KNL1: variants seen among roughly 807,000 people sequenced by gnomAD.
KNL1 encodes the protein outer kinetochore KNL1 complex subunit KNL1.
A neutral mutation model predicts 201.3 loss-of-function variants in KNL1; 66 were observed. That is an observed-to-expected ratio of 0.33 (90% CI 0.27 to 0.40). The LOEUF (loss-of-function observed/expected upper bound fraction) is 0.40. KNL1 is among the 10% of genes least tolerant of loss of function. The pLI is 1.00. For missense variants in KNL1, 2,815 were observed against 2,690.5 expected (o/e 1.05, Z -1.02); for synonymous variants, 895 against 899.2 (o/e 1.00, Z 0.08).
chr15:40,629,223 A>T, intron 12 of KNL1, 50 bp from the exon 13 acceptor site: 5 of 1,052,282 alleles, frequency 4.8e-6, no homozygotes, highest in Non-Finnish European at 7.1e-6. Flanking sequence ...TGGTTATATC[A>T]AAGTGAAATC....
chr15:40,631,002 C>G (rs989589686), intron 13 of KNL1, among the ~76,000 whole-genome samples: 11 of 152,022 alleles, frequency 7.2e-5, no homozygotes, highest in Non-Finnish European at 1.6e-4. Context: ...CCTGTAGTCC[C>G]CGCTACTCAG....
intron 13 of KNL1, among the ~76,000 whole-genome samples, chr15:40,629,587 T>A (rs1173957905): frequency 7.1e-6 from 1 of 139,964 alleles, no homozygotes; most frequent in African/African-American, 2.6e-5. Context: ...CACTGCAACC[T>A]CTGCCTCCTG....
chr15:40,601,300 C>T (rs1049013693), intron 1 of KNL1, among the ~76,000 whole-genome samples: 1 of 152,194 alleles, frequency 6.6e-6, no homozygotes, highest in African/African-American at 2.4e-5. Flanking sequence ...CCCTCCTGGT[C>T]TGTGGAAAAA....
intron 21 of KNL1, among the ~76,000 whole-genome samples, chr15:40,653,142 A>G (rs1332125249): frequency 6.6e-6 from 1 of 152,140 alleles, no homozygotes; most frequent in African/African-American, 2.4e-5. Flanking sequence ...CTCGCTGTAC[A>G]TATTCAAATC....
intron 24 of KNL1, among the ~76,000 whole-genome samples, chr15:40,658,561 CAAAAAAA>C (rs35180053): frequency 9.4e-5 from 7 of 74,170 alleles, no homozygotes; most frequent in Non-Finnish European, 2.4e-5. Flanking sequence ...GAATCTGTCT[CAAAAAAA>C]AAAAAAAAAA....
At position 40,620,919 on chromosome 15, in the gene KNL1, A is replaced by G. The variant is rs1173874720; in HGVS notation, c.655A>G (p.Ile219Val). 1.2e-6 allele frequency: 2 copies of G among 1,600,780 alleles called. No homozygotes were observed. Among genetic ancestry groups the G allele is most frequent in the African/African-American group, 1.4e-5 (1 of 73,866 alleles). The change falls in exon 10 of 26, where the codon ATA (isoleucine) becomes GTA (valine). Residue 219 changes from isoleucine to valine, a missense_variant. Around this residue, in one of 3 missense-constraint regions of KNL1, gnomAD observed 2,464 missense variants for 2,291.7 expected, o/e 1.08. Coordinates refer to ENST00000399668, the MANE Select transcript of KNL1 (RefSeq NM_144508.5). ...SENKIDFNDF[I>V]KRLKTGKCSA... ...AAATAAAATAGATTTCAATGACTTC[A>G]TAAAAAGATTGAAAACAGGAAAATG...
chr15:40,595,002 T>C (rs1018913837), intron 1 of KNL1, among the ~76,000 whole-genome samples: 2 of 152,262 alleles, frequency 1.3e-5, no homozygotes, highest in African/African-American at 4.8e-5. Context: ...ATTTAAGCCC[T>C]TATTCTTCAC....
Position 40,645,790 on chromosome 15 carries a change from A to T in KNL1, c.6006+18A>T, listed in dbSNP as rs773961327. ...CAGCTCAGGTAATTTGAGACAGTTA[A>T]TATCATAGAAAGAGAGAGATATTAA... On this transcript the variant is annotated intron_variant, in intron 16 of 25. Transcript: ENST00000399668. 2.4e-6 allele frequency: 3 copies of T among 1,260,378 alleles called. No individual in the cohort carries two copies. Among genetic ancestry groups the T allele is most frequent in the Non-Finnish European group, 3.4e-6 (3 of 892,792 alleles). The allele number at this position is 1,260,378 out of a possible 1,614,324, so 78.1% of individuals were successfully genotyped here.
chr15:40,629,044 A>G (rs183205032), intron 12 of KNL1, among the ~76,000 whole-genome samples: 2 of 152,298 alleles, frequency 1.3e-5, no homozygotes, highest in Non-Finnish European at 2.9e-5. Context: ...AAAAAAGAGA[A>G]AAAAATGATG....
intron 3 of KNL1, among the ~76,000 whole-genome samples, chr15:40,605,426 G>C (rs1438401618): frequency 6.6e-6 from 1 of 152,168 alleles, no homozygotes; most frequent in African/African-American, 2.4e-5. Context: ...GTACAAAGCT[G>C]TTGCAAGAGA....
intron 16 of KNL1, among the ~76,000 whole-genome samples, chr15:40,645,983 C>T (rs1032474330): frequency 6.6e-6 from 1 of 152,176 alleles, no homozygotes; most frequent in African/African-American, 2.4e-5. Flanking sequence ...GGGCCTATGT[C>T]TCATCTCAAA....
At chr15:40,641,176 C>G in intron 14 of KNL1, 149 bp downstream of exon 14, 2 of 555,352 alleles carry the variant, frequency 3.6e-6, no homozygotes, top group Non-Finnish European at 6.3e-6. Context: ...AGAGCTTTGG[C>G]CTCGTAGTCA....
intron 10 of KNL1, among the ~76,000 whole-genome samples, chr15:40,627,599 A>C (rs1056302166): frequency 6.6e-6 from 1 of 152,204 alleles, no homozygotes; most frequent in Non-Finnish European, 1.5e-5. Flanking sequence ...TGGTTAAAAT[A>C]GTAAAAGCAG....
chr15:40,623,363 C>G lies in KNL1; in HGVS notation c.3099C>G (p.Asn1033Lys), dbSNP rs775836813. 6.2e-7 allele frequency: 1 copy of G among 1,613,924 alleles called. No individual in the cohort carries two copies. ...GGGGCCCTGTAGAGGTAGCTGATAA[C>G]ATGGAATTGTCTAAATCAGCCACTT... ...NNRGPVEVAD[N>K]MELSKSATCK... Residue 1033 changes from asparagine to lysine, a missense_variant, in exon 10 of 26, where the codon AAC (asparagine) becomes AAG (lysine). By Grantham distance (94) the Asn-to-Lys change is moderately conservative. Transcript: ENST00000399668.
At chr15:40,634,717 A>G (rs543132162) in intron 13 of KNL1, among the ~76,000 whole-genome samples, 1 of 152,240 alleles carries the variant, frequency 6.6e-6, no homozygotes, top group South Asian at 2.1e-4. Flanking sequence ...GAAAGTAGAA[A>G]GAGTATTAGG....
chr15:40,596,205 G>T (rs1891614550), intron 1 of KNL1, among the ~76,000 whole-genome samples: 1 of 152,116 alleles, frequency 6.6e-6, no homozygotes, highest in South Asian at 2.1e-4. Flanking sequence ...AAGTATATAT[G>T]TCCCAAACTT....
chr15:40,661,749 A>AG, intron 25 of KNL1, among the ~76,000 whole-genome samples: 1 of 151,686 alleles, frequency 6.6e-6, no homozygotes, highest in East Asian at 2.0e-4. Flanking sequence ...TTTTTAAAAA[A>AG]TTGATTAACC....
At chr15:40,614,278 A>G (rs959960457) in intron 7 of KNL1, among the ~76,000 whole-genome samples, 1 of 151,808 alleles carries the variant, frequency 6.6e-6, no homozygotes, top group African/African-American at 2.4e-5. Flanking sequence ...TTGTATTTTT[A>G]GTAGAGATGG....
chr15:40,643,397 C>G (rs1241581909), intron 14 of KNL1: 1 of 152,142 alleles, frequency 6.6e-6, no homozygotes, highest in African/African-American at 2.4e-5. Context: ...TCTCCTGACC[C>G]CCGTGATCCA....
Sources: allele counts gnomAD v4.1 joint callset (sites outside exome capture counted in the v4.1 genomes callset), GRCh38; gene constraint gnomAD v4.1.1; regional missense constraint gnomAD v4.1.1; transcripts MANE v1.5; gene names NCBI Gene and HGNC (gene_info 2026-07-23, HGNC 2026-07-21).